The following KCNMA1 variants were observed in gnomAD, a reference collection of about 807,000 sequenced individuals.
The protein encoded by KCNMA1 is potassium calcium-activated channel subfamily M alpha 1.
In KCNMA1, 29 loss-of-function variants were observed where a neutral mutation model predicts 140.0. The ratio of observed to expected loss-of-function variants is 0.21; its 90% CI spans 0.15 to 0.28. KCNMA1 has a LOEUF of 0.28. KCNMA1 is among the 10% of genes least tolerant of loss of function. The pLI is 1.00. For synonymous variants in KCNMA1, 612 were observed against 611.9 expected (o/e 1.00, Z 0.00); for missense variants, 880 against 1,602.2 (o/e 0.55, Z 7.70).
intron 12 of KCNMA1, among the ~76,000 whole-genome samples, chr10:77,080,531 C>T (rs1157443068): frequency 6.6e-6 from 1 of 152,168 alleles, no homozygotes; most frequent in Non-Finnish European, 1.5e-5. Context: ...ACAGTATTCC[C>T]ACCACCATAT....
chr10:77,085,251 C>A (rs1482553185), intron 11 of KCNMA1, among the ~76,000 whole-genome samples: 1 of 152,136 alleles, frequency 6.6e-6, no homozygotes, highest in Non-Finnish European at 1.5e-5. Flanking sequence ...ATAACATCAC[C>A]ATATTGCTTA....
At chr10:77,505,080 C>A (rs912337843) in intron 1 of KCNMA1, among the ~76,000 whole-genome samples, 1 of 152,132 alleles carries the variant, frequency 6.6e-6, no homozygotes, top group Non-Finnish European at 1.5e-5. Flanking sequence ...TAACGGCTGG[C>A]GGCTGAGTCA....
chr10:77,126,735 C>CCCCCCCCA (rs1554849516), intron 5 of KCNMA1, among the ~76,000 whole-genome samples: 1 of 144,008 alleles, frequency 6.9e-6, no homozygotes, highest in African/African-American at 2.5e-5. Flanking sequence ...ACCCCCCCCC[C>CCCCCCCCA]ACCACCACAC....
intron 5 of KCNMA1, among the ~76,000 whole-genome samples, chr10:77,156,782 G>A (rs1349722051): frequency 6.6e-6 from 1 of 152,164 alleles, no homozygotes; most frequent in East Asian, 1.9e-4. Context: ...TTTCTGGCGA[G>A]TGACTGACCC....
rs1555400735 is a variant in KCNMA1 at position 77,506,725 on chromosome 10, A to AGAGAGT, written c.379-102703_379-102702insACTCTC. Reference sequence around the variant, plus strand: ...GATGTTCCGAGAGAGAGAGAGAGAGAGTGTGTGTGTGTGTGTTTGTTAGAG... The same window carrying AGAGAGT: ...GATGTTCCGAGAGAGAGAGAGAGAGAGAGAGTGTGTGTGTGTGTGTGTTTGTTAGAG... On this transcript the variant is annotated intron_variant, in intron 1 of 27. Coordinates refer to ENST00000286628, the MANE Select transcript of KCNMA1 (RefSeq NM_001161352.2). 5.7e-3 allele frequency among the ~76,000 whole-genome samples: 766 copies of AGAGAGT among 133,656 alleles called. 22 individuals are homozygous for AGAGAGT. Among genetic ancestry groups the AGAGAGT allele is most frequent in the Middle Eastern group, 0.023 (5 of 214 alleles). 87.7% of individuals were successfully genotyped at this position (133,656 alleles called of 152,430 possible). A position where few individuals can be genotyped will look rare whatever the true frequency, so the allele number is the denominator to read the frequency against.
intron 18 of KCNMA1, among the ~76,000 whole-genome samples, chr10:77,005,259 C>T (rs2088052309): frequency 6.6e-6 from 1 of 152,178 alleles, no homozygotes; most frequent in African/African-American, 2.4e-5. Flanking sequence ...AATTCAATGG[C>T]TTCTCATGAT....
At chr10:77,293,226 C>A (rs149133850) in intron 2 of KCNMA1, among the ~76,000 whole-genome samples, 66 of 152,262 alleles carry the variant, frequency 4.3e-4, no homozygotes, top group African/African-American at 1.6e-3. Context: ...ATCACTTTGG[C>A]CAATGTATAG....
intron 19 of KCNMA1, 141 bp from the exon 20 acceptor site, chr10:76,970,208 G>T (rs1469618174): frequency 8.4e-6 from 6 of 717,576 alleles, no homozygotes; most frequent in Non-Finnish European, 1.5e-5. Flanking sequence ...CAATGACAAA[G>T]ACCAAATGTG....
chr10:77,255,598 T>C (rs2060552413), intron 2 of KCNMA1, among the ~76,000 whole-genome samples: 1 of 140,052 alleles, frequency 7.1e-6, no homozygotes, highest in Non-Finnish European at 1.6e-5. Context: ...AGACTCTGTC[T>C]CCAAAAAAAG....
intron 15 of KCNMA1, among the ~76,000 whole-genome samples, chr10:77,036,128 G>T (rs554845501): frequency 6.6e-6 from 1 of 152,132 alleles, no homozygotes; most frequent in East Asian, 1.9e-4. Flanking sequence ...TTTCTCCTGC[G>T]CTGGATGCTT....
At chr10:77,634,768 GA>G in intron 1 of KCNMA1, 1 of 280,584 alleles carries the variant, frequency 3.6e-6, no homozygotes, top group Non-Finnish European at 5.0e-6. Flanking sequence ...AAAGAAAAAA[GA>G]AAAAAAGACA....
chr10:77,185,225 G>A (rs997166431), intron 3 of KCNMA1, among the ~76,000 whole-genome samples: 1 of 151,974 alleles, frequency 6.6e-6, no homozygotes, highest in Non-Finnish European at 1.5e-5. Flanking sequence ...CCTGGAGGAA[G>A]GACAAGCAGG....
chr10:77,165,824 A>G (rs2098635108), intron 5 of KCNMA1, among the ~76,000 whole-genome samples: 1 of 152,204 alleles, frequency 6.6e-6, no homozygotes, highest in Non-Finnish European at 1.5e-5. Context: ...AAAGTTAAAA[A>G]CGTAGGACCT....
chr10:77,273,547 A>G (rs189256315), intron 2 of KCNMA1, among the ~76,000 whole-genome samples: 9 of 152,360 alleles, frequency 5.9e-5, no homozygotes, highest in Admixed American at 3.9e-4. Flanking sequence ...TGGATATAAA[A>G]GAGATCAATA....
At chr10:77,237,046 G>A (rs758849837) in intron 3 of KCNMA1, among the ~76,000 whole-genome samples, 8 of 152,178 alleles carry the variant, frequency 5.3e-5, no homozygotes, top group East Asian at 1.9e-4. Context: ...TCTGATAACC[G>A]ATCTCTTTAC....
chr10:77,455,060 G>A (rs1054606952), intron 1 of KCNMA1, among the ~76,000 whole-genome samples: 7 of 152,160 alleles, frequency 4.6e-5, no homozygotes, highest in Non-Finnish European at 8.8e-5. Flanking sequence ...TTCATTCCCT[G>A]TAGTCATAAA....
chr10:76,905,287 G>T (rs2047354346), intron 25 of KCNMA1, among the ~76,000 whole-genome samples: 1 of 151,998 alleles, frequency 6.6e-6, no homozygotes. Flanking sequence ...ATGGGGTGTT[G>T]GACAAAAAAA....
At chr10:77,025,979 C>A (rs2093411279) in intron 16 of KCNMA1, among the ~76,000 whole-genome samples, 1 of 110,048 alleles carries the variant, frequency 9.1e-6, no homozygotes, top group African/African-American at 3.8e-5. Context: ...CCTTTTTGCC[C>A]TTTTCTGAAG....
chr10:77,214,588 T>C (rs1470785855), intron 3 of KCNMA1, among the ~76,000 whole-genome samples: 2 of 152,218 alleles, frequency 1.3e-5, no homozygotes, highest in Non-Finnish European at 2.9e-5. Context: ...TTCCAGAGAC[T>C]ACTGCAGGCT....
Sources: allele counts gnomAD v4.1 joint callset (sites outside exome capture counted in the v4.1 genomes callset), GRCh38; gene constraint gnomAD v4.1.1; transcripts MANE v1.5; gene names NCBI Gene and HGNC (gene_info 2026-07-23, HGNC 2026-07-21).